Variants in XKR4 observed in about 807,000 individuals in gnomAD.
XKR4 encodes the protein XK related 4.
In XKR4, 12 loss-of-function variants were observed where a neutral mutation model predicts 53.9. The ratio of observed to expected loss-of-function variants is 0.22; its 90% confidence interval spans 0.14 to 0.36. XKR4 has a LOEUF of 0.36. Ranked by LOEUF, XKR4 falls within the 10% of genes least tolerant of loss-of-function variation. The pLI is 1.00. For synonymous variants in XKR4, 354 were observed against 362.4 expected (o/e 0.98, Z 0.26); for missense variants, 799 against 859.5 (o/e 0.93, Z 0.88).
intron 1 of XKR4, among the ~76,000 whole-genome samples, chr8:55,111,343 G>A (rs1458993013): frequency 6.6e-6 from 1 of 152,114 alleles, no homozygotes; most frequent in Non-Finnish European, 1.5e-5. Flanking sequence ...TTCTGATTCT[G>A]CTCTTATTAT....
At position 55,357,895 on chromosome 8, in the gene XKR4, G is replaced by T. The variant is rs756937920; in HGVS notation, c.1006+18G>T. 6.2e-6 allele frequency: 10 copies of T among 1,600,560 alleles called. No individual in the cohort carries two copies. The highest frequency in any genetic ancestry group is 4.4e-5 in the South Asian group (4 of 90,134). ...CCTCCAAGGTAAGGGCTTGCAATTT[G>T]GTTTCTGAATTTGGGGAAAGATTGA... is the stretch of plus-strand genomic sequence containing the variant. On this transcript the variant is annotated intron_variant, in intron 2 of 2. Coordinates refer to ENST00000327381, the MANE Select transcript of XKR4 (RefSeq NM_052898.2).
intron 1 of XKR4, among the ~76,000 whole-genome samples, chr8:55,163,594 C>T (rs1415226483): frequency 6.6e-6 from 1 of 152,022 alleles, no homozygotes; most frequent in Non-Finnish European, 1.5e-5. Context: ...ACCTGTAATC[C>T]CAGCACTTTG....
intron 2 of XKR4, among the ~76,000 whole-genome samples, chr8:55,383,603 T>C (rs1257140009): frequency 1.3e-5 from 2 of 152,248 alleles, no homozygotes; most frequent in African/African-American, 4.8e-5. Flanking sequence ...GATTGACAGA[T>C]ATTAAATGGT....
At chr8:55,458,303 T>C (rs373104661) in intron 2 of XKR4, among the ~76,000 whole-genome samples, 36 of 152,232 alleles carry the variant, frequency 2.4e-4, no homozygotes, top group Middle Eastern at 3.4e-3. Context: ...CAACCCCTCA[T>C]GGGAGGGGAA....
intron 1 of XKR4, among the ~76,000 whole-genome samples, chr8:55,222,574 C>A (rs1025615895): frequency 6.6e-6 from 1 of 152,194 alleles, no homozygotes; most frequent in African/African-American, 2.4e-5. Context: ...ACATTAACAG[C>A]AATCCACACG....
chr8:55,523,179 A>AGG (rs981693147), intron 2 of XKR4, 102 bp from the exon 3 acceptor site: 1 of 900,020 alleles, frequency 1.1e-6, no homozygotes, highest in Admixed American at 2.9e-5. Flanking sequence ...GTCTTTGCTG[A>AGG]GGTCAAAGCC....
intron 2 of XKR4, among the ~76,000 whole-genome samples, chr8:55,365,970 T>G (rs898898214): frequency 6.6e-6 from 1 of 150,736 alleles, no homozygotes; most frequent in African/African-American, 2.4e-5. Context: ...AGCGAGGGAG[T>G]GGGGCGCACC....
chr8:55,156,655 T>A (rs1816911973), intron 1 of XKR4, among the ~76,000 whole-genome samples: 2 of 151,932 alleles, frequency 1.3e-5, no homozygotes, highest in African/African-American at 4.8e-5. Flanking sequence ...TGTGGGCTTG[T>A]TTTTTTTCCC....
intron 1 of XKR4, among the ~76,000 whole-genome samples, chr8:55,282,383 G>A (rs188527289): frequency 1.3e-5 from 2 of 152,266 alleles, no homozygotes; most frequent in African/African-American, 4.8e-5. Flanking sequence ...GAAGAAAAGA[G>A]GTTCATTTGG....
At chr8:55,510,848 A>C (rs1031845609) in intron 2 of XKR4, among the ~76,000 whole-genome samples, 4 of 152,210 alleles carry the variant, frequency 2.6e-5, no homozygotes, top group African/African-American at 7.2e-5. Context: ...TTGCAGGAGC[A>C]ATGGCCCAGG....
chr8:55,189,481 G>C (rs919647887), intron 1 of XKR4, among the ~76,000 whole-genome samples: 6 of 152,196 alleles, frequency 3.9e-5, no homozygotes, highest in African/African-American at 1.4e-4. Context: ...ACACGCCTAG[G>C]CTATGTGATA....
chr8:55,280,272 G>C (rs1316953673), intron 1 of XKR4, among the ~76,000 whole-genome samples: 1 of 152,156 alleles, frequency 6.6e-6, no homozygotes, highest in Admixed American at 6.5e-5. Flanking sequence ...TCAAAAGGGA[G>C]TTTGTTTGTT....
chr8:55,451,618 CG>C (rs1457382441), intron 2 of XKR4: 9 of 1,511,468 alleles, frequency 6.0e-6, no homozygotes, highest in Non-Finnish European at 8.1e-6. Flanking sequence ...GCGGTTCTGG[CG>C]GTAGCAGTAG....
chr8:55,152,447 G>A (rs1816851220), intron 1 of XKR4, among the ~76,000 whole-genome samples: 1 of 150,904 alleles, frequency 6.6e-6, no homozygotes. Flanking sequence ...CATTAATGAG[G>A]TAAAAATTAA....
At chr8:55,358,082 C>G (rs1297950202) in intron 2 of XKR4, among the ~76,000 whole-genome samples, 2 of 151,986 alleles carry the variant, frequency 1.3e-5, no homozygotes. Flanking sequence ...CATTTTTGCT[C>G]TCCAGCTGTC....
At position 55,159,691 on chromosome 8, in the gene XKR4, A is replaced by C. The variant is rs530383676; in HGVS notation, c.806+56397A>C. ...CAATTTTCGTGCCAACCTGAACATC[A>C]AAAAAAGGCAAGATAAGATTCCATT... is the stretch of plus-strand genomic sequence containing the variant. On this transcript the variant is annotated intron_variant, in intron 1 of 2. Coordinates refer to ENST00000327381, the MANE Select transcript of XKR4 (RefSeq NM_052898.2). Among the ~76,000 whole-genome samples the C allele has an allele frequency of 7.2e-5, 11 of 152,318 alleles. No individual in the cohort carries two copies. The South Asian group carries it at 2.3e-3, about 32-fold the overall frequency.
At chr8:55,345,640 G>A (rs954112115) in intron 1 of XKR4, among the ~76,000 whole-genome samples, 1 of 152,186 alleles carries the variant, frequency 6.6e-6, no homozygotes, top group African/African-American at 2.4e-5. Flanking sequence ...TTTCTTGGAA[G>A]GCCCTGTGCA....
intron 1 of XKR4, among the ~76,000 whole-genome samples, chr8:55,177,761 A>G (rs918107004): frequency 5.3e-5 from 8 of 152,112 alleles, no homozygotes; most frequent in Non-Finnish European, 1.0e-4. Context: ...TAGCATGGCT[A>G]TTGTGGACTT....
chr8:55,289,262 T>C (rs1818948468), intron 1 of XKR4, among the ~76,000 whole-genome samples: 1 of 151,852 alleles, frequency 6.6e-6, no homozygotes, highest in African/African-American at 2.4e-5. Context: ...ACGCCTGCAA[T>C]CCCCAGCACT....
Sources: allele counts gnomAD v4.1 joint callset (sites outside exome capture counted in the v4.1 genomes callset), GRCh38; gene constraint gnomAD v4.1.1; transcripts MANE v1.5; gene names NCBI Gene and HGNC (gene_info 2026-07-23, HGNC 2026-07-21).